The following GTF2A1L variants were observed in gnomAD, a reference collection of about 807,000 sequenced individuals.
GTF2A1L encodes the protein TFIIA-alpha and beta-like factor.
GTF2A1L carries 48 observed loss-of-function variants against 49.7 expected under a neutral mutation model. The ratio of observed to expected loss-of-function variants is 0.97; its 90% CI spans 0.77 to 1.23. GTF2A1L has a LOEUF of 1.23. Among genes scored for constraint, GTF2A1L ranks in the 50% most tolerant of loss-of-function variants. The pLI, the probability that GTF2A1L is intolerant of heterozygous loss-of-function variation, is 0.00. For synonymous variants in GTF2A1L, 246 were observed against 193.5 expected, an observed-to-expected ratio of 1.27 and a Z score of -2.25; for missense variants, 736 against 564.8, an observed-to-expected ratio of 1.30 and a Z score of -3.07.
intron 4 of GTF2A1L, among the ~76,000 whole-genome samples, chr2:48,643,679 A>G (rs1361275626): frequency 6.6e-6 from 1 of 150,442 alleles, no homozygotes; most frequent in East Asian, 1.9e-4. Flanking sequence ...CCATAGCAAG[A>G]CCATATTAAT....
At position 48,620,951 on chromosome 2, in the gene GTF2A1L, A is replaced by C; in HGVS notation, c.122A>C (p.Gln41Pro). Residue 41 changes from glutamine to proline, a missense_variant and splice_region_variant, in exon 2 of 9, where the codon CAG becomes CCG. Coordinates refer to ENST00000403751, the MANE Select transcript of GTF2A1L (RefSeq NM_006872.5). ...GAACAAGTTTTAAAAGACTTGAAGC[A>C]GGTTTGTAGCCGATACAACTTTTTC... ...IEEQVLKDLK[Q>P]LWETKVLQSK... The C allele has an allele frequency of 6.3e-7, 1 of 1,594,944 alleles. No homozygotes were observed.
rs372954947 is a variant in GTF2A1L, at chr2:48,660,831, G to C, written c.979-8891G>C. Among the ~76,000 whole-genome samples, 15 of 152,062 alleles carry C rather than the reference G, an allele frequency of 9.9e-5. No homozygotes were observed. The East Asian group carries it at 1.2e-3, about 12-fold the overall frequency. On this transcript the variant is annotated intron_variant, in intron 6 of 8. Coordinates refer to ENST00000403751, the MANE Select transcript of GTF2A1L (RefSeq NM_006872.5). ...AATTTTTGTATTTTTAGTAGAGTTG[G>C]GGTTTTGCCATGCTGGCCAGGCTGG...
At chr2:48,669,025 T>C (rs1030823741) in intron 6 of GTF2A1L, among the ~76,000 whole-genome samples, 16 of 152,158 alleles carry the variant, frequency 1.1e-4, no homozygotes, top group African/African-American at 3.6e-4. Flanking sequence ...TGCTGAATTA[T>C]CTATAACATA....
At chr2:48,653,591 C>T (rs1460125945) in intron 6 of GTF2A1L, among the ~76,000 whole-genome samples, 4 of 152,054 alleles carry the variant, frequency 2.6e-5, no homozygotes, top group Non-Finnish European at 5.9e-5. Flanking sequence ...ATGGTTATAC[C>T]ACATTTATTT....
intron 7 of GTF2A1L, 84 bp downstream of exon 7, chr2:48,670,066 C>G: frequency 6.7e-7 from 1 of 1,494,204 alleles, no homozygotes; most frequent in African/African-American, 1.4e-5. Context: ...AAAGGAATAG[C>G]AAGATTAATC....
chr2:48,655,892 C>CATCT (rs1263987082), intron 6 of GTF2A1L, among the ~76,000 whole-genome samples: 3 of 152,120 alleles, frequency 2.0e-5, no homozygotes, highest in Non-Finnish European at 4.4e-5. Flanking sequence ...TTCTACTTTC[C>CATCT]ATCTCTATGA....
At chr2:48,636,720 G>C (rs1011514986) in intron 3 of GTF2A1L, among the ~76,000 whole-genome samples, 4 of 152,168 alleles carry the variant, frequency 2.6e-5, no homozygotes, top group African/African-American at 9.7e-5. Context: ...TCTGCATGTA[G>C]GGTGACTATA....
intron 1 of GTF2A1L, 61 bp downstream of exon 1, chr2:48,617,956 C>A: frequency 3.4e-6 from 5 of 1,489,400 alleles, no homozygotes; most frequent in Non-Finnish European, 4.6e-6. Context: ...TTCACGGCAG[C>A]CGAACCCTGC....
At chr2:48,638,262 G>C (rs1677012356) in intron 3 of GTF2A1L, among the ~76,000 whole-genome samples, 1 of 152,066 alleles carries the variant, frequency 6.6e-6, no homozygotes, top group African/African-American at 2.4e-5. Flanking sequence ...CCAAAGCCTG[G>C]GAGAGACACA....
intron 3 of GTF2A1L, among the ~76,000 whole-genome samples, chr2:48,635,865 C>G (rs1051865730): frequency 6.6e-6 from 1 of 152,116 alleles, no homozygotes; most frequent in Non-Finnish European, 1.5e-5. Context: ...GTTTTTCCCT[C>G]ACAGCGTCTC....
At chr2:48,677,958 T>C (rs1679563053) in intron 8 of GTF2A1L, among the ~76,000 whole-genome samples, 1 of 148,464 alleles carries the variant, frequency 6.7e-6, no homozygotes, top group Admixed American at 6.9e-5. Flanking sequence ...ATAAGTGTCA[T>C]AGTTGTAAAC....
At chr2:48,619,747 T>C (rs1487496300) in intron 1 of GTF2A1L, among the ~76,000 whole-genome samples, 1 of 152,212 alleles carries the variant, frequency 6.6e-6, no homozygotes, top group Non-Finnish European at 1.5e-5. Flanking sequence ...CCTGGGGGCA[T>C]AGTTTATATA....
At position 48,646,648 on chromosome 2, in the gene GTF2A1L, A is replaced by T. The variant is rs371893561; in HGVS notation, c.584A>T (p.Gln195Leu). ...TCACAGAGAATTGAAACCGTGCTAC[A>T]GCAACCCGCAATTCTACCTTCTGGG... ...EKSQRIETVL[Q>L]QPAILPSGPV... Residue 195 changes from glutamine (Q) to leucine (L), a missense_variant, in exon 6 of 9, where the codon CAG becomes CTG. Transcript: ENST00000403751. 1 of 1,614,052 alleles carries T rather than the reference A, an allele frequency of 6.2e-7. No individual in the cohort carries two copies. The highest frequency in any genetic ancestry group is 8.5e-7 in the Non-Finnish European group (1 of 1,180,034).
intron 3 of GTF2A1L, among the ~76,000 whole-genome samples, chr2:48,622,629 T>C (rs564283100): frequency 6.6e-6 from 1 of 152,286 alleles, no homozygotes; most frequent in South Asian, 2.1e-4. Context: ...TAGACCAGCC[T>C]GGCCAACATG....
chr2:48,625,148 C>G lies in GTF2A1L; in HGVS notation c.247+3858C>G, dbSNP rs1469102415. On this transcript the variant is annotated intron_variant, in intron 3 of 8. Transcript: ENST00000403751. ...TTAGGAATCTCTGCACAGTTTTATA[C>G]AATGGCTGACCATTCTGCATTCCCA... Among the ~76,000 whole-genome samples, 6 of 144,122 alleles carry G rather than the reference C, an allele frequency of 4.2e-5. 1 individual carries two copies. Among genetic ancestry groups the G allele is most frequent in the Non-Finnish European group, 9.4e-5 (6 of 63,912 alleles). 94.5% of individuals were successfully genotyped at this position (144,122 alleles called of 152,430 possible). A position where few individuals can be genotyped will look rare whatever the true frequency, so the allele number is the denominator to read the frequency against.
At chr2:48,653,035 C>T (rs865904445) in intron 6 of GTF2A1L, among the ~76,000 whole-genome samples, 10 of 151,798 alleles carry the variant, frequency 6.6e-5, no homozygotes, top group Non-Finnish European at 1.0e-4. Context: ...CAAGATCATT[C>T]TGGCTAACAT....
At chr2:48,654,172 AAGG>A (rs1483630096) in intron 6 of GTF2A1L, among the ~76,000 whole-genome samples, 2 of 152,128 alleles carry the variant, frequency 1.3e-5, no homozygotes, top group African/African-American at 4.8e-5. Flanking sequence ...ATCTTTTGGT[AAGG>A]AGAAGTTTTT....
intron 6 of GTF2A1L, among the ~76,000 whole-genome samples, chr2:48,648,303 T>C (rs1483651528): frequency 1.3e-5 from 2 of 152,086 alleles, no homozygotes; most frequent in African/African-American, 2.4e-5. Context: ...AACATTTGAT[T>C]TTGAGGTAAA....
chr2:48,670,102 C>G, intron 7 of GTF2A1L, 120 bp downstream of exon 7: 1 of 1,401,018 alleles, frequency 7.1e-7, no homozygotes, highest in Non-Finnish European at 9.4e-7. Context: ...TGAAATAAGA[C>G]TTATTTGGGG....
Sources: gnomAD v4.1 joint callset for allele counts (sites outside exome capture counted in the v4.1 genomes callset) on GRCh38, gnomAD v4.1.1 for gene constraint, MANE v1.5 for transcripts, NCBI Gene and HGNC (gene_info 2026-07-23, HGNC 2026-07-21) for gene names.